LNPK: variants seen among roughly 807,000 people sequenced by gnomAD.
LNPK encodes lunapark, ER junction formation factor, also known as endoplasmic reticulum junction formation protein lunapark.
In LNPK, 29 loss-of-function variants were observed where a neutral mutation model predicts 55.2. The observed-to-expected ratio is 0.53, with a 90% CI of 0.39 to 0.72. The LOEUF (loss-of-function observed/expected upper bound fraction) is 0.72, where lower values mean the gene tolerates loss of function less well. LNPK is among the 30% of genes least tolerant of loss of function. The pLI is 0.00. For missense variants in LNPK, 467 were observed against 494.8 expected (o/e 0.94, Z 0.53); for synonymous variants, 162 against 168.2 (o/e 0.96, Z 0.29).
chr2:175,957,894 C>A lies in LNPK; in HGVS notation c.493+6478G>T, dbSNP rs111580623. ...TCCAACAGTCTGAGCAAACCACACA[C>A]CAGGGGATTATATCCCGTGTCTGGT... On this transcript the variant is annotated intron_variant, in intron 8 of 12. Transcript: ENST00000272748. Among the ~76,000 whole-genome samples the A allele has an allele frequency of 2.9e-3, 442 of 152,368 alleles. 1 individual carries two copies. The highest frequency in any genetic ancestry group is 0.01 in the African/African-American group (426 of 41,596).
chr2:175,924,020 A>C lies in LNPK; in HGVS notation c.*5947T>G, dbSNP rs1386723438. 6.6e-6 allele frequency: 1 copy of C among 152,184 alleles called. No homozygotes were observed. Among genetic ancestry groups the C allele is most frequent in the Non-Finnish European group, 1.5e-5 (1 of 68,020 alleles). 9.4% of individuals were successfully genotyped at this position (152,184 alleles called of 1,614,324 possible). On this transcript the variant is annotated 3_prime_UTR_variant, in exon 13 of 13. Coordinates refer to ENST00000272748, the MANE Select transcript of LNPK (RefSeq NM_030650.3). The stretch of plus-strand genomic sequence containing the variant: ...GACCAGTAGAATGCATACACTTAAA[A>C]CTTTAATAATTTTGAAACAAGTCAA...
intron 12 of LNPK, among the ~76,000 whole-genome samples, chr2:175,932,927 C>T (rs1317385481): frequency 6.6e-6 from 1 of 150,830 alleles, no homozygotes; most frequent in Non-Finnish European, 1.5e-5. Flanking sequence ...TTTGTGTTCA[C>T]ACTAATTAAA....
At chr2:175,940,113 T>C (rs1029467913) in intron 9 of LNPK, among the ~76,000 whole-genome samples, 7 of 152,038 alleles carry the variant, frequency 4.6e-5, no homozygotes, top group African/African-American at 1.7e-4. Flanking sequence ...AGACACTGGA[T>C]ATCAAGCAAT....
chr2:175,940,804 TAAA>T (rs1438868491), intron 9 of LNPK, among the ~76,000 whole-genome samples: 1 of 151,944 alleles, frequency 6.6e-6, no homozygotes, highest in Non-Finnish European at 1.5e-5. Flanking sequence ...TAAGTAGACA[TAAA>T]AAAATGTAAA....
chr2:175,980,378 A>C (rs1687113794), intron 4 of LNPK, among the ~76,000 whole-genome samples: 1 of 152,204 alleles, frequency 6.6e-6, no homozygotes, highest in African/African-American at 2.4e-5. Context: ...CTGAAGGAAA[A>C]ATAAACAAAA....
At chr2:175,951,741 G>A (rs1433793491) in intron 8 of LNPK, among the ~76,000 whole-genome samples, 1 of 151,420 alleles carries the variant, frequency 6.6e-6, no homozygotes, top group Admixed American at 6.6e-5. Context: ...TTTCCTCTGG[G>A]TAGAAACCCC....
rs914821851 is a variant in LNPK at position 175,994,309 on chromosome 2, T to G, written c.28-1086A>C. On this transcript the variant is annotated intron_variant, in intron 2 of 12. Transcript: ENST00000272748. ...TTATGAAAGACAAAACAAGAAGAGA[T>G]AAATTTGATCCTTGGGCAGATTATT... 1.2e-5 allele frequency: 12 copies of G among 983,938 alleles called. No homozygotes were observed. The South Asian group carries it at 3.8e-4, about 31-fold the overall frequency. 61.0% of individuals were successfully genotyped at this position (983,938 alleles called of 1,614,324 possible).
intron 12 of LNPK, 22 bp downstream of exon 12, chr2:175,937,322 A>T: frequency 6.2e-7 from 1 of 1,604,262 alleles, no homozygotes; most frequent in Non-Finnish European, 8.5e-7. Flanking sequence ...TTAAGGGGCA[A>T]AACTGTTTAA....
chr2:175,931,469 T>C (rs920415525), intron 12 of LNPK, among the ~76,000 whole-genome samples: 5 of 152,196 alleles, frequency 3.3e-5, no homozygotes, highest in African/African-American at 9.6e-5. Context: ...TTTAAAAATA[T>C]TTAAAAAGAA....
Position 175,929,768 on chromosome 2 carries a change from A to G in LNPK, c.*199T>C. On this transcript the variant is annotated 3_prime_UTR_variant, in exon 13 of 13. Transcript: ENST00000272748. ...GTCTTTGTACATTCAAAAGGATCTT[A>G]CTTCACTGATATAACTTGCTTTTAA... The G allele has an allele frequency of 7.1e-7, 1 of 1,414,902 alleles. No homozygotes were observed. Among genetic ancestry groups the G allele is most frequent in the Non-Finnish European group, 9.2e-7 (1 of 1,089,350 alleles). The allele number at this position is 1,414,902 out of a possible 1,614,324, so 87.6% of individuals were successfully genotyped here.
At position 175,929,031 on chromosome 2, in the gene LNPK, G is replaced by C. The variant is rs1684143932; in HGVS notation, c.*936C>G. The C allele has an allele frequency of 1.4e-6, 1 of 711,622 alleles. No homozygotes were observed. Among genetic ancestry groups the C allele is most frequent in the African/African-American group, 1.9e-5 (1 of 51,838 alleles). 44.1% of individuals were successfully genotyped at this position (711,622 alleles called of 1,614,324 possible). Reference sequence around the variant, plus strand: ...GCAGAATCTACAGATTTATTGTATTGTGAGCTATTCCTCCTAAGATTTTTC... The same window carrying C: ...GCAGAATCTACAGATTTATTGTATTCTGAGCTATTCCTCCTAAGATTTTTC... On this transcript the variant is annotated 3_prime_UTR_variant, in exon 13 of 13. Transcript: ENST00000272748.
At chr2:175,945,226 C>T (rs1278905991) in intron 9 of LNPK, among the ~76,000 whole-genome samples, 2 of 147,164 alleles carry the variant, frequency 1.4e-5, no homozygotes, top group Non-Finnish European at 3.0e-5. Context: ...GTTTCCATCA[C>T]TGGCAGGGCA....
intron 8 of LNPK, among the ~76,000 whole-genome samples, chr2:175,950,565 T>A (rs1685347445): frequency 6.6e-6 from 1 of 152,116 alleles, no homozygotes; most frequent in South Asian, 2.1e-4. Context: ...AATGATATAT[T>A]TTTAAAACTA....
chr2:175,962,750 C>T (rs1232984088), intron 8 of LNPK, among the ~76,000 whole-genome samples: 1 of 152,110 alleles, frequency 6.6e-6, no homozygotes, highest in Admixed American at 6.5e-5. Flanking sequence ...AAGAAACTAC[C>T]ATCAGACTGA....
chr2:175,947,564 G>A lies in LNPK; in HGVS notation c.622C>T (p.Pro208Ser). 1 of 1,613,990 alleles carries A rather than the reference G, an allele frequency of 6.2e-7. No homozygotes were observed. The highest frequency in any genetic ancestry group is 2.2e-5 in the East Asian group (1 of 44,874). ...AGGGCTGGAGTAACAGTCCTTTCTG[G>A]GGGTCCACCAGGGGCAGAACTGTCC... The part of the protein sequence containing the change: ...PKDSSAPGGP[P>S]ERTVTPALSS... Residue 208 changes from proline to serine, a missense_variant, in exon 9 of 13, where the codon CCA becomes TCA. Pro to Ser is a moderately conservative substitution (Grantham distance 74, BLOSUM62 -1). Transcript: ENST00000272748.
chr2:175,981,964 T>C (rs1032985544), intron 4 of LNPK, among the ~76,000 whole-genome samples: 1 of 152,328 alleles, frequency 6.6e-6, no homozygotes, highest in African/African-American at 2.4e-5. Context: ...TTTTTAATAT[T>C]GTGATGATTT....
At chr2:175,976,745 T>C (rs1686929601) in intron 5 of LNPK, among the ~76,000 whole-genome samples, 1 of 152,236 alleles carries the variant, frequency 6.6e-6, no homozygotes, top group Admixed American at 6.5e-5. Context: ...GTCTTGAACC[T>C]GCTAGCTTTC....
At chr2:175,937,212 C>G in intron 12 of LNPK, 132 bp downstream of exon 12, 1 of 791,658 alleles carries the variant, frequency 1.3e-6, no homozygotes, top group Non-Finnish European at 2.0e-6. Flanking sequence ...GCTATGGTAA[C>G]AGAGCCGTAG....
intron 8 of LNPK, among the ~76,000 whole-genome samples, chr2:175,960,760 A>G (rs543422034): frequency 1.9e-4 from 29 of 152,206 alleles, no homozygotes; most frequent in Non-Finnish European, 3.8e-4. Context: ...CAAAAAATCA[A>G]TGACTCCAGG....
Sources: gnomAD v4.1 joint callset for allele counts (sites outside exome capture counted in the v4.1 genomes callset) on GRCh38, gnomAD v4.1.1 for gene constraint, MANE v1.5 for transcripts, NCBI Gene and HGNC (gene_info 2026-07-23, HGNC 2026-07-21) for gene names.